Variants in CRX observed in about 807,000 individuals in gnomAD.
The protein encoded by CRX is cone-rod homeobox.
Under a neutral mutation model 13.1 loss-of-function variants are expected in CRX, and 5 were observed. That is an observed-to-expected ratio of 0.38 (90% confidence interval 0.20 to 0.80). The LOEUF (loss-of-function observed/expected upper bound fraction) is 0.80, where lower values mean the gene tolerates loss of function less well. CRX is among the 30% of genes least tolerant of loss of function. CRX has a pLI of 0.43. For missense variants in CRX, 351 were observed against 391.8 expected, an observed-to-expected ratio of 0.90 and a Z score of 0.88; for synonymous variants, 179 against 171.1, an observed-to-expected ratio of 1.05 and a Z score of -0.36.
At chr19:47,829,871 G>A (rs895958882) in intron 1 of CRX, among the ~76,000 whole-genome samples, 9 of 151,286 alleles carry the variant, frequency 5.9e-5, no homozygotes, top group African/African-American at 2.2e-4. Flanking sequence ...CTGGGCTCAA[G>A]CAATCTGCCC....
intron 1 of CRX, among the ~76,000 whole-genome samples, chr19:47,822,573 C>G (rs17272596): frequency 0.074 from 11,217 of 152,228 alleles, 594 homozygotes; most frequent in Middle Eastern, 0.14. Context: ...AGGTCTGTGG[C>G]TGCAACAGGA....
chr19:47,832,340 T>C (rs1402468617), intron 1 of CRX, among the ~76,000 whole-genome samples: 1 of 148,566 alleles, frequency 6.7e-6, no homozygotes, highest in Non-Finnish European at 1.5e-5. Flanking sequence ...TTCTGACCTC[T>C]GGTGATCTGC....
Position 47,840,192 on chromosome 19 carries a change from C to T in CRX, c.*225C>T. ...CACAGGTCCTAGTGATTCTCTCAAC[C>T]CTAACACCGTCTGGCACGATTGTGA... On this transcript the variant is annotated 3_prime_UTR_variant, in exon 4 of 4. Transcript: ENST00000221996. The T allele has an allele frequency of 1.7e-6, 1 of 571,714 alleles. No individual in the cohort carries two copies. Among genetic ancestry groups the T allele is most frequent in the South Asian group, 2.0e-5 (1 of 49,716 alleles). The allele number at this position is 571,714 out of a possible 1,614,324, so 35.4% of individuals were successfully genotyped here. A position where few individuals can be genotyped will look rare whatever the true frequency, so the allele number is the denominator to read the frequency against.
intron 1 of CRX, among the ~76,000 whole-genome samples, chr19:47,827,715 G>A (rs2123731946): frequency 6.8e-6 from 1 of 147,496 alleles, no homozygotes; most frequent in Admixed American, 6.8e-5. Flanking sequence ...TAGAGATGGG[G>A]TTTCACCATG....
chr19:47,832,492 T>C (rs1968064469), intron 1 of CRX, among the ~76,000 whole-genome samples: 2 of 151,232 alleles, frequency 1.3e-5, no homozygotes, highest in African/African-American at 2.5e-5. Flanking sequence ...TTTCTTTTTC[T>C]TTTCTTTTCT....
rs933729627 is a variant in CRX at position 47,839,156 on chromosome 19, A to G, written c.253-164A>G. Among the ~76,000 whole-genome samples the G allele has an allele frequency of 6.6e-5, 10 of 151,988 alleles. No homozygotes were observed. The highest frequency in any genetic ancestry group is 4.4e-5 in the Non-Finnish European group (3 of 67,964). ...CACACATGCAGGTATGATTGGATGG[A>G]TAGATGGATGGATGGGTGAATAGAC... On this transcript the variant is annotated intron_variant, in intron 3 of 3. Transcript: ENST00000221996. This position sits in a 1 kb window ranked among gnomAD's most constrained non-coding sequence, Gnocchi z 4.6.
intron 1 of CRX, among the ~76,000 whole-genome samples, chr19:47,824,834 C>T (rs1967955710): frequency 6.6e-6 from 1 of 152,062 alleles, no homozygotes; most frequent in Admixed American, 6.6e-5. Flanking sequence ...TTCTTTGTTC[C>T]ACCCCTTGAA....
chr19:47,838,238 T>G (rs1044160878), intron 3 of CRX, among the ~76,000 whole-genome samples: 7 of 146,340 alleles, frequency 4.8e-5, no homozygotes, highest in Non-Finnish European at 9.3e-5. Context: ...GGTGTATGCA[T>G]GTATAATTGT....
At chr19:47,826,200 G>C (rs1967973373) in intron 1 of CRX, among the ~76,000 whole-genome samples, 1 of 152,146 alleles carries the variant, frequency 6.6e-6, no homozygotes, top group African/African-American at 2.4e-5. Context: ...GGGGGCTGGG[G>C]GAATAGGACC....
intron 2 of CRX, among the ~76,000 whole-genome samples, chr19:47,835,564 C>T (rs1178034511): frequency 6.9e-6 from 1 of 145,276 alleles, no homozygotes; most frequent in Non-Finnish European, 1.5e-5. Flanking sequence ...TTTGTAAAGC[C>T]TTATTTTTAA....
At position 47,842,167 on chromosome 19, in the gene CRX, A is replaced by T. The variant is rs1048819272; in HGVS notation, c.*2200A>T. 1 of 152,464 alleles carries T rather than the reference A, an allele frequency of 6.6e-6. No homozygotes were observed. The highest frequency in any genetic ancestry group is 1.5e-5 in the Non-Finnish European group (1 of 68,198). 9.4% of individuals were successfully genotyped at this position (152,464 alleles called of 1,614,324 possible). A position where few individuals can be genotyped will look rare whatever the true frequency, so the allele number is the denominator to read the frequency against. On this transcript the variant is annotated 3_prime_UTR_variant, in exon 4 of 4. Transcript: ENST00000221996. ...TCCAGCACTAGACCAGAAGAGGTGC[A>T]CACAGCCTAGACCCCCTGAGGGGTA... is the stretch of plus-strand genomic sequence containing the variant.
intron 2 of CRX, 119 bp from the exon 3 acceptor site, chr19:47,836,124 C>A: frequency 7.8e-7 from 1 of 1,282,960 alleles, no homozygotes; most frequent in Non-Finnish European, 1.1e-6. Flanking sequence ...AATGTGTATT[C>A]CATCCTTAGT....
At chr19:47,833,029 CTT>C (rs35088115) in intron 1 of CRX, among the ~76,000 whole-genome samples, 35,708 of 87,634 alleles carry the variant, frequency 0.41, 6,380 homozygotes, top group Non-Finnish European at 0.48. Flanking sequence ...TCCACACTCG[CTT>C]TTTTTTTTTT....
intron 3 of CRX, among the ~76,000 whole-genome samples, chr19:47,837,004 A>T (rs187153571): frequency 6.6e-6 from 1 of 151,952 alleles, no homozygotes; most frequent in East Asian, 1.9e-4. Context: ...ATGTGTATAT[A>T]TGAGTGTCTG....
intron 1 of CRX, among the ~76,000 whole-genome samples, chr19:47,824,225 C>T (rs117043618): frequency 0.1 from 15,499 of 152,256 alleles, 1,067 homozygotes; most frequent in Non-Finnish European, 0.13. Flanking sequence ...TTCTTCCACT[C>T]ATCACCTGTG....
rs894512188 is a variant in CRX, at chr19:47,836,483, G to C, written c.252+89G>C. 1.4e-5 allele frequency: 22 copies of C among 1,556,742 alleles called. No individual in the cohort carries two copies. The South Asian group carries it at 2.0e-4, about 14-fold the overall frequency. ...ACAAAGAGTGATGGGAGGAGGGAGAGATCACAGAGTGACAGCCAAAGTTAT... is the reference window on the plus strand; with the variant it reads ...ACAAAGAGTGATGGGAGGAGGGAGACATCACAGAGTGACAGCCAAAGTTAT... On this transcript the variant is annotated intron_variant, in intron 3 of 3. Transcript: ENST00000221996.
chr19:47,826,036 G>A (rs907129922), intron 1 of CRX, among the ~76,000 whole-genome samples: 2 of 152,210 alleles, frequency 1.3e-5, no homozygotes, highest in East Asian at 1.9e-4. Flanking sequence ...ATTTGACGGC[G>A]AAGACAATGA....
chr19:47,832,363 C>G (rs1968062401), intron 1 of CRX, among the ~76,000 whole-genome samples: 1 of 151,714 alleles, frequency 6.6e-6, no homozygotes, highest in Non-Finnish European at 1.5e-5. Context: ...GCCTTGGCCT[C>G]CCAAAGTGCT....
chr19:47,834,386 G>A (rs1882667877), intron 1 of CRX, 23 bp from the exon 2 acceptor site: 2 of 1,291,566 alleles, frequency 1.5e-6, no homozygotes, highest in Non-Finnish European at 2.3e-6. Context: ...AAGTGAGTGA[G>A]CATCCCTCCT....
Sources: gnomAD v4.1 joint callset for allele counts (sites outside exome capture counted in the v4.1 genomes callset) on GRCh38, gnomAD v4.1.1 for gene constraint, Gnocchi (gnomAD v3.1) non-coding constraint, MANE v1.5 for transcripts, NCBI Gene and HGNC (gene_info 2026-07-23, HGNC 2026-07-21) for gene names.